Variants in SLC30A5 observed in about 807,000 individuals in gnomAD.
SLC30A5 encodes proton-coupled zinc antiporter SLC30A5.
A neutral mutation model predicts 79.6 loss-of-function variants in SLC30A5; 33 were observed. The ratio of observed to expected loss-of-function variants is 0.41; its 90% confidence interval spans 0.31 to 0.55. The LOEUF is 0.55. Among genes scored for constraint, SLC30A5 ranks in the 20% least tolerant of loss-of-function variants. The pLI is 0.20. For missense variants in SLC30A5, 788 were observed against 928.1 expected (o/e 0.85, Z 1.96); for synonymous variants, 299 against 319.7 (o/e 0.94, Z 0.69).
chr5:69,120,401 AT>A (rs397766627), intron 12 of SLC30A5, among the ~76,000 whole-genome samples: 1 of 151,694 alleles, frequency 6.6e-6, no homozygotes, highest in Non-Finnish European at 1.5e-5. Context: ...AAAAAAAAAA[AT>A]TGTAAAATAG....
At chr5:69,115,136 A>AG (rs1746330731) in intron 7 of SLC30A5, 101 bp from the exon 8 acceptor site, 1 of 18,704 alleles carries the variant, frequency 5.3e-5, no homozygotes, top group East Asian at 4.9e-3. Context: ...GTCTCTGGGG[A>AG]AAAAAAAAAA....
At chr5:69,108,215 G>GT in intron 4 of SLC30A5, 134 bp from the exon 5 acceptor site, 6 of 676,688 alleles carry the variant, frequency 8.9e-6, no homozygotes, top group Non-Finnish European at 1.5e-5. Flanking sequence ...TTCTAAAGCA[G>GT]TTGTACCTAT....
Position 69,115,359 on chromosome 5 carries a change from T to C in SLC30A5, c.735T>C (p.Ser245=), listed in dbSNP as rs1323772633. The change falls in exon 8 of 16, where the codon TCT becomes TCC. Residue 245 remains serine (S), a synonymous_variant. Coordinates refer to ENST00000396591, the MANE Select transcript of SLC30A5 (RefSeq NM_022902.5). The stretch of plus-strand genomic sequence containing the variant: ...TTCAAGCTTTATCTCATCTTGTTTC[T>C]GTGCTTCTCTTGTGCCCATGGGTCA... The part of the protein sequence containing the change: ...KRLQALSHLV[S]VLLLCPWVIV... The C allele has an allele frequency of 1.2e-6, 2 of 1,613,978 alleles. No homozygotes were observed. Among genetic ancestry groups the C allele is most frequent in the East Asian group, 2.2e-5 (1 of 44,892 alleles).
rs1745889030 is a variant in SLC30A5, at chr5:69,100,727, C to A, written c.84-80C>A. Reference sequence around the variant, plus strand: ...TATATTTCTGTGGTTTCTGTAATGACCTCTTGTTTAAAAAACCAGATTGAT... The same window carrying A: ...TATATTTCTGTGGTTTCTGTAATGAACTCTTGTTTAAAAAACCAGATTGAT... On this transcript the variant is annotated intron_variant, in intron 1 of 15. Transcript: ENST00000396591. 1.1e-5 allele frequency: 14 copies of A among 1,222,112 alleles called. No individual in the cohort carries two copies. The South Asian group carries it at 1.9e-4, about 16-fold the overall frequency. 75.7% of individuals were successfully genotyped at this position (1,222,112 alleles called of 1,614,324 possible).
chr5:69,114,372 CAA>C (rs1376419245), intron 6 of SLC30A5, 46 bp from the exon 7 acceptor site: 5 of 1,123,090 alleles, frequency 4.5e-6, no homozygotes, highest in Admixed American at 3.4e-5. Flanking sequence ...CTTCAGGTGT[CAA>C]AGAGTGACTT....
chr5:69,104,841 A>G, intron 4 of SLC30A5, 125 bp downstream of exon 4: 1 of 933,242 alleles, frequency 1.1e-6, no homozygotes, highest in Non-Finnish European at 1.6e-6. Context: ...TTATAGCATC[A>G]GAGAGAATTC....
At chr5:69,108,650 C>G (rs1476321567) in intron 5 of SLC30A5, among the ~76,000 whole-genome samples, 1 of 151,986 alleles carries the variant, frequency 6.6e-6, no homozygotes, top group Non-Finnish European at 1.5e-5. Context: ...GGTGAAATTC[C>G]ATCTCCACTA....
chr5:69,096,494 T>C (rs895374337), intron 1 of SLC30A5, among the ~76,000 whole-genome samples: 1 of 152,196 alleles, frequency 6.6e-6, no homozygotes, highest in Non-Finnish European at 1.5e-5. Context: ...AGAATCAAAT[T>C]CAACTCCTGA....
At chr5:69,097,236 C>T (rs1178434917) in intron 1 of SLC30A5, among the ~76,000 whole-genome samples, 1 of 151,492 alleles carries the variant, frequency 6.6e-6, no homozygotes, top group African/African-American at 2.4e-5. Context: ...CTGCCTCAGC[C>T]TCCCGAGTAG....
intron 1 of SLC30A5, among the ~76,000 whole-genome samples, chr5:69,099,334 TC>T (rs1448157171): frequency 6.6e-6 from 1 of 152,234 alleles, no homozygotes; most frequent in Non-Finnish European, 1.5e-5. Context: ...GGTATTTTTT[TC>T]CCCTGGACTA....
At chr5:69,117,705 C>G (rs1187199277) in intron 11 of SLC30A5, among the ~76,000 whole-genome samples, 1 of 151,134 alleles carries the variant, frequency 6.6e-6, no homozygotes, top group African/African-American at 2.4e-5. Flanking sequence ...GGTGAAACCT[C>G]GTCTCTACTA....
intron 14 of SLC30A5, among the ~76,000 whole-genome samples, chr5:69,124,154 A>G (rs1746611862): frequency 6.6e-6 from 1 of 151,664 alleles, no homozygotes; most frequent in Non-Finnish European, 1.5e-5. Flanking sequence ...TCCTTGCACA[A>G]GAATAAAGAC....
intron 14 of SLC30A5, among the ~76,000 whole-genome samples, chr5:69,127,478 A>T (rs1398655634): frequency 1.6e-4 from 17 of 106,294 alleles, no homozygotes; most frequent in African/African-American, 7.6e-4. Flanking sequence ...AAATACAAAA[A>T]AAAAAAAAAA....
At chr5:69,119,987 T>G (rs371473575) in intron 12 of SLC30A5, among the ~76,000 whole-genome samples, 36 of 122,690 alleles carry the variant, frequency 2.9e-4, no homozygotes, top group African/African-American at 1.1e-3. Flanking sequence ...CCAACTGTAC[T>G]CCAGCCTGGG....
Position 69,100,820 on chromosome 5 carries a change from A to G in SLC30A5, c.97A>G (p.Ile33Val). 1.9e-6 allele frequency: 3 copies of G among 1,596,860 alleles called. No individual in the cohort carries two copies. The highest frequency in any genetic ancestry group is 2.6e-6 in the Non-Finnish European group (3 of 1,167,838). ...DVPSARLTKYIVLLCFTKFLK... is the reference protein window; with the variant it reads ...DVPSARLTKYVVLLCFTKFLK... The stretch of plus-strand genomic sequence containing the variant: ...TTTATTTTTCAGATTAACAAAATAT[A>G]TTGTGTTACTATGTTTCACTAAATT... The change falls in exon 2 of 16, where the codon ATT (isoleucine) becomes GTT (valine). Residue 33 changes from isoleucine to valine, a missense_variant. Around this residue, in one of 3 missense-constraint regions of SLC30A5, gnomAD observed 626 missense variants for 755.5 expected, o/e 0.83. Transcript: ENST00000396591.
intron 15 of SLC30A5, among the ~76,000 whole-genome samples, chr5:69,129,208 C>T (rs234262): frequency 0.33 from 50,826 of 151,928 alleles, 9,073 homozygotes; most frequent in East Asian, 0.48. Flanking sequence ...TTTTAATACT[C>T]GCATTACGCT....
chr5:69,127,118 A>G (rs1746718792), intron 14 of SLC30A5, among the ~76,000 whole-genome samples: 3 of 152,172 alleles, frequency 2.0e-5, no homozygotes, highest in Non-Finnish European at 4.4e-5. Flanking sequence ...TGGGCAGTCA[A>G]TCATTTATTT....
intron 5 of SLC30A5, among the ~76,000 whole-genome samples, chr5:69,110,855 T>C (rs996050336): frequency 6.6e-5 from 10 of 152,086 alleles, no homozygotes; most frequent in African/African-American, 2.4e-4. Flanking sequence ...AAACTGGGAA[T>C]GACAACTCAC....
At chr5:69,109,033 T>C (rs1343593802) in intron 5 of SLC30A5, among the ~76,000 whole-genome samples, 3 of 152,152 alleles carry the variant, frequency 2.0e-5, no homozygotes, top group Non-Finnish European at 2.9e-5. Context: ...AAATAGTACA[T>C]AGAGGACCCT....
Sources: gnomAD v4.1 joint callset for allele counts (sites outside exome capture counted in the v4.1 genomes callset) on GRCh38, gnomAD v4.1.1 for gene constraint, gnomAD v4.1.1 regional missense constraint, MANE v1.5 for transcripts, NCBI Gene and HGNC (gene_info 2026-07-23, HGNC 2026-07-21) for gene names.